Variants in ARHGAP6 observed in about 807,000 individuals in gnomAD.
The protein encoded by ARHGAP6 is Rho GTPase activating protein 6.
ARHGAP6 carries 16 observed loss-of-function variants against 55.7 expected under a neutral mutation model. The observed-to-expected ratio is 0.29, with a 90% CI of 0.19 to 0.44. ARHGAP6 has a LOEUF of 0.44. Ranked by LOEUF, ARHGAP6 falls within the 20% of genes least tolerant of loss-of-function variation. The probability of loss-of-function intolerance (pLI) is 1.00; values close to 1 mark genes in which losing one functional copy is unlikely to be tolerated. For missense variants in ARHGAP6, 698 were observed against 808.9 expected (o/e 0.86, Z 1.66); for synonymous variants, 382 against 360.9 (o/e 1.06, Z -0.66).
At chrX:11,358,824 T>C (rs1441649598) in intron 1 of ARHGAP6, among the ~76,000 whole-genome samples, 1 of 111,762 alleles carries the variant, frequency 8.9e-6, no homozygotes, top group Non-Finnish European at 1.9e-5. Flanking sequence ...CTATGAGTGG[T>C]CTCAATTCTT....
At chrX:11,493,719 G>A (rs756995946) in intron 1 of ARHGAP6, among the ~76,000 whole-genome samples, 13 of 110,647 alleles carry the variant, frequency 1.2e-4, no homozygotes, top group Admixed American at 3.9e-4. Flanking sequence ...GAACAAAGAC[G>A]CACGTAAATA....
At chrX:11,322,318 TG>T (rs1441660455) in intron 1 of ARHGAP6, among the ~76,000 whole-genome samples, 1 of 110,154 alleles carries the variant, frequency 9.1e-6, no homozygotes. Context: ...AAATGTGTCC[TG>T]GGGGGAGGTA....
chrX:11,462,641 G>A (rs1200979082), intron 1 of ARHGAP6, among the ~76,000 whole-genome samples: 2 of 112,088 alleles, frequency 1.8e-5, no homozygotes, highest in African/African-American at 6.5e-5. Context: ...ATGAGATTTG[G>A]GATAACATTC....
At chrX:11,474,312 T>C (rs1031688759) in intron 1 of ARHGAP6, among the ~76,000 whole-genome samples, 25 of 112,038 alleles carry the variant, frequency 2.2e-4, no homozygotes, top group African/African-American at 8.1e-4. Flanking sequence ...CTTCTTTGGG[T>C]CCACATACCA....
At chrX:11,294,518 G>T (rs986832610) in intron 1 of ARHGAP6, among the ~76,000 whole-genome samples, 9 of 111,934 alleles carry the variant, frequency 8.0e-5, no homozygotes, top group African/African-American at 2.9e-4. Flanking sequence ...AAAGTCATAT[G>T]AAGATAGATC....
intron 1 of ARHGAP6, among the ~76,000 whole-genome samples, chrX:11,567,716 T>G (rs2051462035): frequency 9.1e-6 from 1 of 109,437 alleles, no homozygotes; most frequent in Non-Finnish European, 1.9e-5. Flanking sequence ...GGCTGGAGTC[T>G]GGAGTGCAGT....
At chrX:11,613,230 G>A (rs1222454557) in intron 1 of ARHGAP6, among the ~76,000 whole-genome samples, 1 of 112,269 alleles carries the variant, frequency 8.9e-6, no homozygotes, top group African/African-American at 3.2e-5. Flanking sequence ...TGGGAATTGA[G>A]ACTGCAAAGC....
chrX:11,521,224 G>C (rs1021890060), intron 1 of ARHGAP6, among the ~76,000 whole-genome samples: 5 of 112,006 alleles, frequency 4.5e-5, no homozygotes, highest in Non-Finnish European at 7.5e-5. Context: ...TAGACATGAA[G>C]TCCTTGCCCA....
At chrX:11,520,120 G>C (rs1355876507) in intron 1 of ARHGAP6, among the ~76,000 whole-genome samples, 4 of 63,511 alleles carry the variant, frequency 6.3e-5, no homozygotes, top group African/African-American at 2.3e-4. Context: ...TTAACAGTTA[G>C]AGAATTGATT....
At chrX:11,166,404 C>G (rs768646411) in intron 9 of ARHGAP6, among the ~76,000 whole-genome samples, 65 of 112,092 alleles carry the variant, frequency 5.8e-4, no homozygotes, top group African/African-American at 2.0e-3. Flanking sequence ...AGCTCTTAAA[C>G]CCAAGGACTG....
intron 1 of ARHGAP6, among the ~76,000 whole-genome samples, chrX:11,603,787 T>C (rs1228291401): frequency 1.8e-5 from 2 of 112,325 alleles, no homozygotes; most frequent in African/African-American, 3.2e-5. Context: ...GGTGCACTTT[T>C]ATGGTCTGTA....
At chrX:11,533,188 C>T (rs2147063907) in intron 1 of ARHGAP6, among the ~76,000 whole-genome samples, 1 of 110,790 alleles carries the variant, frequency 9.0e-6, no homozygotes, top group South Asian at 3.9e-4. Context: ...GAGAAGGGGA[C>T]AACTTTTCAG....
intron 1 of ARHGAP6, among the ~76,000 whole-genome samples, chrX:11,658,497 A>G (rs896412559): frequency 4.5e-5 from 5 of 110,710 alleles, no homozygotes; most frequent in Non-Finnish European, 9.4e-5. Flanking sequence ...TATTCTAATT[A>G]CTTTCTCTTT....
At chrX:11,405,999 G>A (rs1020959398) in intron 1 of ARHGAP6, among the ~76,000 whole-genome samples, 2 of 111,072 alleles carry the variant, frequency 1.8e-5, no homozygotes, top group African/African-American at 6.6e-5. Flanking sequence ...AGCCTCCCTC[G>A]CTCAAGTGAT....
At chrX:11,201,259 T>G (rs1012340583) in intron 2 of ARHGAP6, among the ~76,000 whole-genome samples, 8 of 112,146 alleles carry the variant, frequency 7.1e-5, no homozygotes, top group Non-Finnish European at 1.3e-4. Context: ...AATATCTGAA[T>G]GCCAATGATC....
intron 1 of ARHGAP6, among the ~76,000 whole-genome samples, chrX:11,658,725 A>G (rs1473806802): frequency 9.5e-6 from 1 of 104,949 alleles, no homozygotes; most frequent in African/African-American, 3.5e-5. Context: ...AGAAGAGGAA[A>G]ATGACAAAGA....
At chrX:11,462,972 G>GC (rs2050259701) in intron 1 of ARHGAP6, among the ~76,000 whole-genome samples, 1 of 112,451 alleles carries the variant, frequency 8.9e-6, no homozygotes, top group Non-Finnish European at 1.9e-5. Flanking sequence ...CTTGCAGTCT[G>GC]CCCCATGGCT....
chrX:11,194,698 G>A (rs1377924345), intron 3 of ARHGAP6, among the ~76,000 whole-genome samples: 1 of 112,003 alleles, frequency 8.9e-6, no homozygotes, highest in East Asian at 2.8e-4. Context: ...AATGACAACA[G>A]TAGCAAGGTT....
intron 3 of ARHGAP6, among the ~76,000 whole-genome samples, chrX:11,195,718 C>T (rs1319560221): frequency 3.9e-4 from 43 of 109,228 alleles, no homozygotes; most frequent in African/African-American, 1.4e-3. Flanking sequence ...TACTATGGTG[C>T]TTACCTGGGT....
Sources: gnomAD v4.1 joint callset for allele counts (sites outside exome capture counted in the v4.1 genomes callset) on GRCh38, gnomAD v4.1.1 for gene constraint, MANE v1.5 for transcripts, NCBI Gene and HGNC (gene_info 2026-07-23, HGNC 2026-07-21) for gene names.